B4GALNT2: variants seen among roughly 807,000 people sequenced by gnomAD.
B4GALNT2 encodes the protein N-acetylneuraminylgalactosylglucosyl-glucoside beta-1,4-N- acetylgalactosaminyltransferase 2.
Under a neutral mutation model 51.1 loss-of-function variants are expected in B4GALNT2, and 42 were observed. The observed-to-expected ratio is 0.82, with a 90% CI of 0.64 to 1.06. The LOEUF (loss-of-function observed/expected upper bound fraction) is 1.06, where lower values mean the gene tolerates loss of function less well. Ranked by LOEUF, B4GALNT2 falls within the 50% of genes least tolerant of loss-of-function variation. B4GALNT2 has a pLI of 0.00. For synonymous variants in B4GALNT2, 253 were observed against 251.7 expected, an observed-to-expected ratio of 1.01 and a Z score of -0.05; for missense variants, 602 against 633.6, an observed-to-expected ratio of 0.95 and a Z score of 0.54.
chr17:49,152,460 G>A (rs2042766683), intron 3 of B4GALNT2, among the ~76,000 whole-genome samples: 1 of 152,084 alleles, frequency 6.6e-6, no homozygotes, highest in African/African-American at 2.4e-5. Flanking sequence ...GATCACTTGA[G>A]GTCAGGAGTT....
At position 49,152,870 on chromosome 17, in the gene B4GALNT2, G is replaced by A; in HGVS notation, c.424G>A (p.Val142Met). Residue 142 changes from valine to methionine, a missense_variant, in exon 4 of 11, where the codon GTG (valine) becomes ATG (methionine). Transcript: ENST00000393354. ...CCCCTTTGGGTACCCAGTCCACGGAGTGGAGGTGATGCCCCTGCACACGGT... is the reference window on the plus strand; with the variant it reads ...CCCCTTTGGGTACCCAGTCCACGGAATGGAGGTGATGCCCCTGCACACGGT... ...NLPFGYPVHG[V>M]EVMPLHTVPI... 6.2e-7 allele frequency: 1 copy of A among 1,611,522 alleles called. No individual in the cohort carries two copies. Among genetic ancestry groups the A allele is most frequent in the Non-Finnish European group, 8.5e-7 (1 of 1,178,744 alleles).
intron 7 of B4GALNT2, among the ~76,000 whole-genome samples, chr17:49,163,625 G>A (rs1196757601): frequency 6.6e-6 from 1 of 152,022 alleles, no homozygotes; most frequent in East Asian, 1.9e-4. Flanking sequence ...GTGTGATGGT[G>A]CATGCCTATA....
chr17:49,137,307 G>A (rs1226879059), intron 1 of B4GALNT2, among the ~76,000 whole-genome samples: 3 of 152,178 alleles, frequency 2.0e-5, no homozygotes, highest in Admixed American at 6.5e-5. Flanking sequence ...TGATGAGGCC[G>A]GAAGGGCTCT....
intron 1 of B4GALNT2, 73 bp downstream of exon 1, chr17:49,132,879 G>T: frequency 7.3e-7 from 1 of 1,374,746 alleles, no homozygotes; most frequent in Non-Finnish European, 9.4e-7. Flanking sequence ...GTCCTTTCTG[G>T]CGTCTGCAGA....
chr17:49,145,284 T>G (rs901273815), intron 3 of B4GALNT2, among the ~76,000 whole-genome samples: 2 of 152,178 alleles, frequency 1.3e-5, no homozygotes, highest in Non-Finnish European at 2.9e-5. Flanking sequence ...ACAACTATCT[T>G]TTGTACGACC....
rs2042972252 is a variant in B4GALNT2 at position 49,173,829 on chromosome 17, A to T, written c.*4101A>T. On this transcript the variant is annotated 3_prime_UTR_variant, in exon 11 of 11. Coordinates refer to ENST00000393354, the MANE Select transcript of B4GALNT2 (RefSeq NM_001159387.2). ...AATGCCGAGTTGAAAAAATTAGCAA[A>T]TCTAGAGTCTTTTCTGGATCTATTA... 1 of 151,014 alleles carries T rather than the reference A, an allele frequency of 6.6e-6. No individual in the cohort carries two copies. Among genetic ancestry groups the T allele is most frequent in the African/African-American group, 2.4e-5 (1 of 41,054 alleles). The allele number at this position is 151,014 out of a possible 1,614,324, so 9.4% of individuals were successfully genotyped here.
Position 49,141,292 on chromosome 17 carries a change from A to ATTATGGTAAT in B4GALNT2, c.60_61insTTATGGTAAT (p.Gly22TrpfsTer2). On this transcript the variant is annotated stop_gained and frameshift_variant, in exon 2 of 11. Coordinates refer to ENST00000393354, the MANE Select transcript of B4GALNT2 (RefSeq NM_001159387.2). LOFTEE classifies it high-confidence loss of function. ...TCAAGATATTGGTCATAATCCTGGTACTTGGCATTGTTGGATTTATGTTCG... is the reference window on the plus strand; with the variant it reads ...TCAAGATATTGGTCATAATCCTGGTATTATGGTAATCTTGGCATTGTTGGATTTATGTTCG... 1 of 1,614,098 alleles carries ATTATGGTAAT rather than the reference A, an allele frequency of 6.2e-7. No individual in the cohort carries two copies. Among genetic ancestry groups the ATTATGGTAAT allele is most frequent in the Non-Finnish European group, 8.5e-7 (1 of 1,180,004 alleles).
At chr17:49,149,936 G>A (rs1407312331) in intron 3 of B4GALNT2, among the ~76,000 whole-genome samples, 1 of 152,028 alleles carries the variant, frequency 6.6e-6, no homozygotes, top group Non-Finnish European at 1.5e-5. Context: ...TAATGAAAAA[G>A]GTATTCCATG....
chr17:49,166,237 A>T lies in B4GALNT2; in HGVS notation c.1078A>T (p.Lys360Ter), dbSNP rs1050567469. The stretch of plus-strand genomic sequence containing the variant: ...TGAGGTGCTGGTGGATGTCCTGGAG[A>T]AAACAGAACTGGACGTGGTAAGGGA... ...KIEVLVDVLE[K>*]TELDVVGGSV... Residue 360 changes from lysine (K) to a stop codon, truncating the protein, a stop_gained, in exon 9 of 11, where the codon AAA (lysine) becomes TAA (stop). Coordinates refer to ENST00000393354, the MANE Select transcript of B4GALNT2 (RefSeq NM_001159387.2). LOFTEE classifies it high-confidence loss of function. 1 of 1,614,028 alleles carries T rather than the reference A, an allele frequency of 6.2e-7. No homozygotes were observed. Among genetic ancestry groups the T allele is most frequent in the Non-Finnish European group, 8.5e-7 (1 of 1,180,006 alleles).
chr17:49,139,484 C>G (rs559255754), intron 1 of B4GALNT2, among the ~76,000 whole-genome samples: 1 of 152,246 alleles, frequency 6.6e-6, no homozygotes, highest in South Asian at 2.1e-4. Context: ...CCTCGGCCCC[C>G]CAAAGTGCTG....
chr17:49,173,259 CAATT>C lies in B4GALNT2; in HGVS notation c.*3536_*3539del, dbSNP rs943020099. 8 of 152,196 alleles carry C rather than the reference CAATT, an allele frequency of 5.3e-5. No individual in the cohort carries two copies. Among genetic ancestry groups the C allele is most frequent in the Non-Finnish European group, 1.2e-4 (8 of 68,044 alleles). The allele number at this position is 152,196 out of a possible 1,614,324, so 9.4% of individuals were successfully genotyped here. A position where few individuals can be genotyped will look rare whatever the true frequency, so the allele number is the denominator to read the frequency against. ...GTGTGGAATCGTAGTTGAGCATTTTCAATTAATTGTGTGGAATGAATCATGTATG... is the reference window on the plus strand; with the variant it reads ...GTGTGGAATCGTAGTTGAGCATTTTCAATTGTGTGGAATGAATCATGTATG... On this transcript the variant is annotated 3_prime_UTR_variant, in exon 11 of 11. Transcript: ENST00000393354.
intron 10 of B4GALNT2, 107 bp from the exon 11 acceptor site, chr17:49,169,416 T>C (rs2042940568): frequency 1.9e-6 from 2 of 1,051,634 alleles, no homozygotes; most frequent in Non-Finnish European, 2.9e-6. Context: ...ACCTCCCCAG[T>C]GTATGAACTG....
chr17:49,133,998 A>G (rs1322726144), intron 1 of B4GALNT2, among the ~76,000 whole-genome samples: 1 of 152,214 alleles, frequency 6.6e-6, no homozygotes, highest in African/African-American at 2.4e-5. Context: ...AATGGGGGAA[A>G]GGAAGGCGGC....
chr17:49,169,642 AATAC>A lies in B4GALNT2; in HGVS notation c.1440_1443del (p.Tyr481GlyfsTer31). The A allele has an allele frequency of 6.2e-7, 1 of 1,612,716 alleles. No homozygotes were observed. Among genetic ancestry groups the A allele is most frequent in the Non-Finnish European group, 8.5e-7 (1 of 1,179,316 alleles). On this transcript the variant is annotated frameshift_variant, in exon 11 of 11. Coordinates refer to ENST00000393354, the MANE Select transcript of B4GALNT2 (RefSeq NM_001159387.2). LOFTEE classifies it high-confidence loss of function. ...ACTGGCTGCCCTAGAGAAGACCTAC[AATAC>A]ATACCGGTCCAACACCCTCACCCGG...
Position 49,164,022 on chromosome 17 carries a change from A to G in B4GALNT2, c.767-66A>G, listed in dbSNP as rs573732363. The G allele has an allele frequency of 5.4e-6, 8 of 1,477,494 alleles. No homozygotes were observed. The South Asian group carries it at 7.5e-5, about 14-fold the overall frequency. The allele number at this position is 1,477,494 out of a possible 1,614,324, so 91.5% of individuals were successfully genotyped here. Reference sequence around the variant, plus strand: ...TATGGCAGAAAGAAGCCATCAGATCAAAGCAGGAAAAGACAGTGAAGCTTC... The same window carrying G: ...TATGGCAGAAAGAAGCCATCAGATCGAAGCAGGAAAAGACAGTGAAGCTTC... On this transcript the variant is annotated intron_variant, in intron 7 of 10. Transcript: ENST00000393354.
intron 10 of B4GALNT2, 93 bp from the exon 11 acceptor site, chr17:49,169,430 C>T (rs925703302): frequency 2.5e-6 from 3 of 1,218,648 alleles, no homozygotes; most frequent in Non-Finnish European, 3.6e-6. Context: ...TGAACTGTGT[C>T]CTCTCCCTGG....
the B4GALNT2 span, among the ~76,000 whole-genome samples, chr17:49,127,199 A>T: frequency 1.3e-5 from 2 of 152,180 alleles, no homozygotes; most frequent in Non-Finnish European, 2.9e-5. Flanking sequence ...TAATTTCAAG[A>T]TTAGAAGTTA....
At chr17:49,131,448 C>T (rs2042537551), upstream of B4GALNT2, among the ~76,000 whole-genome samples, 1 of 122,640 alleles carries the variant, frequency 8.2e-6, no homozygotes, top group Admixed American at 9.9e-5. Context: ...CCAAGACTCA[C>T]TTTCCCAGAC....
chr17:49,125,711 G>T, the B4GALNT2 span, among the ~76,000 whole-genome samples: 1 of 127,490 alleles, frequency 7.8e-6, no homozygotes, highest in Non-Finnish European at 1.7e-5. Context: ...GTGGGGGTCG[G>T]CCCCCGCCGG....
Sources: gnomAD v4.1 joint callset for allele counts (sites outside exome capture counted in the v4.1 genomes callset) on GRCh38, gnomAD v4.1.1 for gene constraint, MANE v1.5 for transcripts, NCBI Gene and HGNC (gene_info 2026-07-23, HGNC 2026-07-21) for gene names.